The following TYW1B variants were observed in gnomAD, a reference collection of about 807,000 sequenced individuals.
TYW1B encodes S-adenosyl-L-methionine-dependent tRNA 4-demethylwyosine synthase TYW1B.
In TYW1B, 73 loss-of-function variants were observed where a neutral mutation model predicts 86.9. The ratio of observed to expected loss-of-function variants is 0.84; its 90% confidence interval spans 0.70 to 1.02. The LOEUF (loss-of-function observed/expected upper bound fraction) is 1.02. Among genes scored for constraint, TYW1B ranks in the 50% least tolerant of loss-of-function variants. The pLI is 0.00. For missense variants in TYW1B, 637 were observed against 827.4 expected (o/e 0.77, Z 2.82); for synonymous variants, 248 against 292.8 (o/e 0.85, Z 1.56).
intron 13 of TYW1B, among the ~76,000 whole-genome samples, chr7:72,614,130 T>C: frequency 6.6e-6 from 1 of 152,160 alleles, no homozygotes; most frequent in Non-Finnish European, 1.5e-5. Flanking sequence ...CAAATCTGTG[T>C]CCTTTGTTCT....
chr7:72,764,597 A>C (rs1414403554), intron 7 of TYW1B, among the ~76,000 whole-genome samples: 7 of 152,292 alleles, frequency 4.6e-5, no homozygotes, highest in African/African-American at 1.7e-4. Context: ...GTACTCTTGA[A>C]CACATTTCTG....
At chr7:72,664,477 A>G (rs1440263580) in intron 11 of TYW1B, among the ~76,000 whole-genome samples, 4 of 152,128 alleles carry the variant, frequency 2.6e-5, no homozygotes, top group African/African-American at 9.7e-5. Flanking sequence ...CAGGGCCATT[A>G]TCCTTAGCAA....
At chr7:72,643,517 G>T (rs1554441712) in intron 11 of TYW1B, among the ~76,000 whole-genome samples, 1 of 151,878 alleles carries the variant, frequency 6.6e-6, no homozygotes, top group Admixed American at 6.6e-5. Flanking sequence ...AACCTGGGAG[G>T]CGGAGGTGGC....
chr7:72,612,310 C>G (rs1554436058), intron 13 of TYW1B, among the ~76,000 whole-genome samples: 2 of 152,044 alleles, frequency 1.3e-5, no homozygotes, highest in Non-Finnish European at 2.9e-5. Context: ...TTCCTGAGTC[C>G]ATACTGATAA....
intron 11 of TYW1B, 36 bp downstream of exon 11, chr7:72,694,651 G>A: frequency 6.3e-7 from 1 of 1,581,602 alleles, no homozygotes; most frequent in Non-Finnish European, 8.5e-7. Flanking sequence ...ACACCTGAGG[G>A]TTGTTTATTT....
At chr7:72,758,110 C>T (rs1294934634) in intron 7 of TYW1B, among the ~76,000 whole-genome samples, 1 of 152,086 alleles carries the variant, frequency 6.6e-6, no homozygotes, top group Non-Finnish European at 1.5e-5. Flanking sequence ...ATCCCAGTTA[C>T]TAGGGAGGCC....
At chr7:72,704,430 T>A (rs115123874) in intron 10 of TYW1B, among the ~76,000 whole-genome samples, 1,670 of 82,460 alleles carry the variant, frequency 0.02, 28 homozygotes, top group African/African-American at 0.072. Context: ...TGAGATTCTA[T>A]CTTAAAAAAA....
chr7:72,693,383 T>C (rs1814220675), intron 11 of TYW1B, among the ~76,000 whole-genome samples: 1 of 151,432 alleles, frequency 6.6e-6, no homozygotes, highest in Non-Finnish European at 1.5e-5. Context: ...TAACTTTATA[T>C]TTAAACGTAT....
intron 11 of TYW1B, among the ~76,000 whole-genome samples, chr7:72,650,425 G>T (rs1346697972): frequency 6.6e-6 from 1 of 152,148 alleles, no homozygotes; most frequent in Non-Finnish European, 1.5e-5. Context: ...AATCTGGAAT[G>T]ATAGGAAGAT....
rs1304836199 is a variant in TYW1B at position 72,651,216 on chromosome 7, T to C, written c.1507-22219A>G. Among the ~76,000 whole-genome samples the C allele has an allele frequency of 6.6e-5, 10 of 152,246 alleles. No individual in the cohort carries two copies. The East Asian group carries it at 1.9e-3, about 29-fold the overall frequency. On this transcript the variant is annotated intron_variant, in intron 11 of 13. Transcript: ENST00000620995. ...GAAACTTAATTATGAGAGGCAACCA[T>C]TACAAATCATGGAAGTACAGAATGA...
intron 6 of TYW1B, among the ~76,000 whole-genome samples, chr7:72,788,397 A>G (rs1788164504): frequency 6.6e-6 from 1 of 152,236 alleles, no homozygotes; most frequent in African/African-American, 2.4e-5. Context: ...TGAAATGCTT[A>G]GGGGATCAGA....
At chr7:72,730,682 G>C (rs1787087193) in intron 8 of TYW1B, among the ~76,000 whole-genome samples, 1 of 151,432 alleles carries the variant, frequency 6.6e-6, no homozygotes, top group African/African-American at 2.4e-5. Flanking sequence ...ATAGAGGAGA[G>C]AGGAGGAGGA....
rs537258287 is a variant in TYW1B, at chr7:72,689,486, G to A, written c.1506+5201C>T. ...CTTTGTCCTCAGTGTGCTAAGGACAGAAAATGTGACTGTCAGGCCTCTAGG... is the reference window on the plus strand; with the variant it reads ...CTTTGTCCTCAGTGTGCTAAGGACAAAAAATGTGACTGTCAGGCCTCTAGG... On this transcript the variant is annotated intron_variant, in intron 11 of 13. Transcript: ENST00000620995. 7.8e-4 allele frequency among the ~76,000 whole-genome samples: 118 copies of A among 152,150 alleles called. 1 individual carries two copies. The highest frequency in any genetic ancestry group is 1.3e-3 in the Non-Finnish European group (91 of 68,040).
intron 11 of TYW1B, among the ~76,000 whole-genome samples, chr7:72,662,560 A>G (rs112827863): frequency 6.6e-6 from 1 of 152,314 alleles, no homozygotes; most frequent in East Asian, 1.9e-4. Context: ...GAAAAAGCTA[A>G]CAAACTCTAA....
In TYW1B at chr7:72,618,981, T is replaced by C. The variant is rs144061061; in HGVS notation, c.1618-2142A>G. On this transcript the variant is annotated intron_variant, in intron 12 of 13. Transcript: ENST00000620995. ...GAGCTTGCTGACGTCACAGCCCGAA[T>C]TTCCACCACATTTCATACTAACTCC... Among the ~76,000 whole-genome samples the C allele has an allele frequency of 4.3e-4, 66 of 152,252 alleles. 1 individual carries two copies. The East Asian group carries it at 0.012, about 27-fold the overall frequency.
chr7:72,808,487 T>C (rs1315481859), intron 4 of TYW1B, among the ~76,000 whole-genome samples: 1 of 151,496 alleles, frequency 6.6e-6, no homozygotes, highest in East Asian at 1.9e-4. Context: ...TGGAGCAAAA[T>C]CTACACAACA....
At chr7:72,617,300 T>C (rs1162685148) in intron 12 of TYW1B, among the ~76,000 whole-genome samples, 1 of 152,158 alleles carries the variant, frequency 6.6e-6, no homozygotes, top group African/African-American at 2.4e-5. Flanking sequence ...CATTTTCTAG[T>C]ATAATTGAGA....
At chr7:72,678,780 T>G (rs1233858282) in intron 11 of TYW1B, among the ~76,000 whole-genome samples, 1 of 152,012 alleles carries the variant, frequency 6.6e-6, no homozygotes, top group Admixed American at 6.6e-5. Flanking sequence ...GACTTCATGA[T>G]CCGCCTGCCT....
intron 7 of TYW1B, 113 bp downstream of exon 7, chr7:72,777,303 T>C: frequency 8.0e-7 from 1 of 1,256,696 alleles, no homozygotes; most frequent in Non-Finnish European, 1.1e-6. Flanking sequence ...TAGACTGTTA[T>C]ATCTGCCACT....
Sources: allele counts gnomAD v4.1 joint callset (sites outside exome capture counted in the v4.1 genomes callset), GRCh38; gene constraint gnomAD v4.1.1; transcripts MANE v1.5; gene names NCBI Gene and HGNC (gene_info 2026-07-23, HGNC 2026-07-21).